PLEKHG1: variants seen among roughly 807,000 people sequenced by gnomAD.
PLEKHG1 encodes the protein pleckstrin homology domain-containing family G member 1.
A neutral mutation model predicts 100.8 loss-of-function variants in PLEKHG1; 44 were observed. The ratio of observed to expected loss-of-function variants is 0.44; its 90% CI spans 0.34 to 0.56. The LOEUF (loss-of-function observed/expected upper bound fraction) is 0.56, where lower values mean the gene tolerates loss of function less well. Among genes scored for constraint, PLEKHG1 ranks in the 20% least tolerant of loss-of-function variants. The pLI is 0.01. For synonymous variants in PLEKHG1, 640 were observed against 662.5 expected (o/e 0.97, Z 0.52); for missense variants, 1,545 against 1,720.9 (o/e 0.90, Z 1.81).
chr6:150,796,950 A>G (rs1786370109), intron 5 of PLEKHG1, among the ~76,000 whole-genome samples: 1 of 151,792 alleles, frequency 6.6e-6, no homozygotes, highest in Non-Finnish European at 1.5e-5. Context: ...CTTTTTTTCC[A>G]CATGATTAGC....
At chr6:150,644,334 G>GGTTTGTTTTTTTTT (rs1554255840) in intron 2 of PLEKHG1, among the ~76,000 whole-genome samples, 2 of 117,622 alleles carry the variant, frequency 1.7e-5, no homozygotes, top group Non-Finnish European at 3.3e-5. Flanking sequence ...TTCTTTTCGT[G>GGTTTGTTTTTTTTT]TTTTTTTTTT....
chr6:150,821,087 T>A (rs1008933538), intron 12 of PLEKHG1, 108 bp from the exon 14 acceptor site: 1 of 814,462 alleles, frequency 1.2e-6, no homozygotes, highest in African/African-American at 1.7e-5. Flanking sequence ...ATACAAAAGT[T>A]ATAGAGCTCT....
chr6:150,842,107 A>G (rs1351382359), exon 16 of PLEKHG1: 2 of 152,260 alleles, frequency 1.3e-5, no homozygotes, highest in Admixed American at 1.3e-4. Flanking sequence ...ACTCCTTATG[A>G]AAGGCAACAA....
At chr6:150,811,272 TG>T (rs34705005) in intron 10 of PLEKHG1, among the ~76,000 whole-genome samples, 11 of 5,920 alleles carry the variant, frequency 1.9e-3, no homozygotes, top group Non-Finnish European at 2.7e-3. Flanking sequence ...GGATAGGGAA[TG>T]TTTTTTTTTT....
upstream of PLEKHG1, among the ~76,000 whole-genome samples, chr6:150,717,291 C>T (rs1582994593): frequency 6.6e-6 from 1 of 152,038 alleles, no homozygotes; most frequent in Non-Finnish European, 1.5e-5. Context: ...CCGCCCACCT[C>T]AGCCTCCCAA....
intron 2 of PLEKHG1, among the ~76,000 whole-genome samples, chr6:150,740,140 C>T (rs1782773398): frequency 6.6e-6 from 1 of 152,240 alleles, no homozygotes; most frequent in Non-Finnish European, 1.5e-5. Flanking sequence ...ACACTTAGCT[C>T]TTAGCCCTGT....
chr6:150,791,407 A>G (rs1785972660), intron 4 of PLEKHG1, among the ~76,000 whole-genome samples: 1 of 152,162 alleles, frequency 6.6e-6, no homozygotes, highest in African/African-American at 2.4e-5. Context: ...CACACCTGTA[A>G]TCTCAGCACT....
chr6:150,795,671 G>A lies in PLEKHG1; in HGVS notation c.583-185G>A, dbSNP rs369701851. Among the ~76,000 whole-genome samples, 145 of 151,002 alleles carry A rather than the reference G, an allele frequency of 9.6e-4. 2 individuals carry two copies. The East Asian group carries it at 0.025, about 26-fold the overall frequency. On this transcript the variant is annotated intron_variant, in intron 4 of 15. Transcript: ENST00000358517. The stretch of plus-strand genomic sequence containing the variant: ...GGGGAGGCGGAGGTTGCAGTGAGCC[G>A]AGATCATGCCATTGTACTCCAGCCT...
intron 5 of PLEKHG1, among the ~76,000 whole-genome samples, chr6:150,799,876 C>T (rs565132245): frequency 5.8e-4 from 88 of 152,262 alleles, no homozygotes; most frequent in African/African-American, 2.0e-3. Flanking sequence ...CTACATTTTG[C>T]GAACGAAAGA....
At chr6:150,817,793 T>C (rs1186515081) in intron 10 of PLEKHG1, among the ~76,000 whole-genome samples, 1 of 152,138 alleles carries the variant, frequency 6.6e-6, no homozygotes, top group Admixed American at 6.5e-5. Flanking sequence ...CCTGACCTTG[T>C]GATTGTGATC....
At chr6:150,749,211 C>T (rs190164883) in intron 2 of PLEKHG1, among the ~76,000 whole-genome samples, 4 of 152,256 alleles carry the variant, frequency 2.6e-5, no homozygotes, top group East Asian at 3.9e-4. Context: ...GTGCCTCCTA[C>T]GTGCCAGTTA....
chr6:150,784,593 G>T (rs1443576013), intron 3 of PLEKHG1, among the ~76,000 whole-genome samples: 3 of 152,124 alleles, frequency 2.0e-5, no homozygotes, highest in African/African-American at 7.2e-5. Flanking sequence ...CATTAGGATG[G>T]TGTTGAAGAA....
At chr6:150,646,397 A>G (rs1778499821) in intron 2 of PLEKHG1, among the ~76,000 whole-genome samples, 1 of 152,108 alleles carries the variant, frequency 6.6e-6, no homozygotes, top group Non-Finnish European at 1.5e-5. Context: ...AACATGATGA[A>G]TGGCTTAGCC....
intron 2 of PLEKHG1, among the ~76,000 whole-genome samples, chr6:150,638,618 C>T (rs1281491542): frequency 6.6e-6 from 1 of 152,184 alleles, no homozygotes; most frequent in Non-Finnish European, 1.5e-5. Context: ...ATGGAGAGTT[C>T]TGGGGGCAGG....
intron 3 of PLEKHG1, among the ~76,000 whole-genome samples, chr6:150,774,319 C>A (rs1330655479): frequency 2.6e-5 from 4 of 152,058 alleles, no homozygotes; most frequent in Non-Finnish European, 4.4e-5. Context: ...TAGACAAACA[C>A]TTTTTTCCTC....
intron 13 of PLEKHG1, among the ~76,000 whole-genome samples, chr6:150,822,194 A>AC (rs1407335928): frequency 6.7e-6 from 1 of 149,982 alleles, no homozygotes; most frequent in Non-Finnish European, 1.5e-5. Flanking sequence ...GGGCAGTTTC[A>AC]CAAAAACACA....
intron 3 of PLEKHG1, among the ~76,000 whole-genome samples, chr6:150,783,868 T>C (rs1049924224): frequency 4.6e-5 from 7 of 152,232 alleles, no homozygotes; most frequent in African/African-American, 1.7e-4. Flanking sequence ...AAAATAATTT[T>C]ACTACTTTTT....
intron 2 of PLEKHG1, among the ~76,000 whole-genome samples, chr6:150,753,422 A>T (rs1444574387): frequency 6.6e-6 from 1 of 152,126 alleles, no homozygotes; most frequent in Admixed American, 6.5e-5. Flanking sequence ...TCAGTTTCAT[A>T]ATGGGGCTTA....
chr6:150,827,109 G>C (rs778820168), intron 14 of PLEKHG1, among the ~76,000 whole-genome samples: 2 of 150,874 alleles, frequency 1.3e-5, no homozygotes, highest in Non-Finnish European at 2.9e-5. Flanking sequence ...TGCCCAGGCT[G>C]GTCTCTAGTT....
Sources: allele counts gnomAD v4.1 joint callset (sites outside exome capture counted in the v4.1 genomes callset), GRCh38; gene constraint gnomAD v4.1.1; transcripts MANE v1.5; gene names NCBI Gene and HGNC (gene_info 2026-07-23, HGNC 2026-07-21).